The following FSCN1 variants were observed in gnomAD, a reference collection of about 807,000 sequenced individuals.
The protein encoded by FSCN1 is fascin.
In FSCN1, 10 loss-of-function variants were observed where a neutral mutation model predicts 39.7. The observed-to-expected ratio is 0.25, with a 90% CI of 0.16 to 0.43. FSCN1 has a LOEUF of 0.43. Among genes scored for constraint, FSCN1 ranks in the 20% least tolerant of loss-of-function variants. The probability of loss-of-function intolerance (pLI) is 1.00; values close to 1 mark genes in which losing one functional copy is unlikely to be tolerated. For missense variants in FSCN1, 525 were observed against 723.8 expected, an observed-to-expected ratio of 0.73 and a Z score of 3.15; for synonymous variants, 322 against 320.0, an observed-to-expected ratio of 1.01 and a Z score of -0.07.
rs569970615 is a variant in FSCN1 at position 5,603,850 on chromosome 7, C to G, written c.1112-13C>G. ...TGCCAGGAGGCTCACTGACTCCCCT[C>G]TTTCTGGGACAGGGGACTCAGAGCT... On this transcript the variant is annotated splice_polypyrimidine_tract_variant and intron_variant, in intron 3 of 4. Transcript: ENST00000382361. The surrounding 1 kb of genome is among the most constrained non-coding windows in gnomAD (Gnocchi z 8.5). The G allele has an allele frequency of 4.4e-6, 7 of 1,609,168 alleles. No homozygotes were observed. Among genetic ancestry groups the G allele is most frequent in the East Asian group, 2.2e-5 (1 of 44,780 alleles).
chr7:5,596,974 G>A (rs1426385368), intron 1 of FSCN1, among the ~76,000 whole-genome samples: 2 of 152,146 alleles, frequency 1.3e-5, no homozygotes, highest in East Asian at 1.9e-4. Flanking sequence ...TCTGGGGACC[G>A]TTAAGGCCTG....
intron 1 of FSCN1, among the ~76,000 whole-genome samples, chr7:5,601,128 G>T (rs1785822360): frequency 6.6e-6 from 1 of 150,554 alleles, no homozygotes; most frequent in Non-Finnish European, 1.5e-5. Context: ...ATCATGTAAA[G>T]ATGCCATACA....
At chr7:5,604,352 CA>C (rs565644767) in intron 4 of FSCN1, among the ~76,000 whole-genome samples, 214 of 150,850 alleles carry the variant, frequency 1.4e-3, no homozygotes, top group Middle Eastern at 0.01. Context: ...GAGAGGAGAG[CA>C]GGGGTGGGGA....
At chr7:5,596,517 C>G (rs1352199175) in intron 1 of FSCN1, among the ~76,000 whole-genome samples, 4 of 152,016 alleles carry the variant, frequency 2.6e-5, no homozygotes, top group Non-Finnish European at 5.9e-5. Context: ...ATGCCCCAGG[C>G]TCCTCCCTGC....
At position 5,593,984 on chromosome 7, in the gene FSCN1, G is replaced by C. The variant is rs575215587; in HGVS notation, c.832+216G>C. 1.7e-3 allele frequency: 970 copies of C among 555,492 alleles called. 9 individuals are homozygous for C. In the African/African-American group the frequency reaches 0.018, roughly 10 times the overall value. The allele number at this position is 555,492 out of a possible 1,614,324, so 34.4% of individuals were successfully genotyped here. On this transcript the variant is annotated intron_variant, in intron 1 of 4. Coordinates refer to ENST00000382361, the MANE Select transcript of FSCN1 (RefSeq NM_003088.4). ...GGTGCCGCTGCCCACCTCCCACCCCGGGCTGGGATCATGGGCTCCCCTAGG... is the reference window on the plus strand; with the variant it reads ...GGTGCCGCTGCCCACCTCCCACCCCCGGCTGGGATCATGGGCTCCCCTAGG...
Position 5,593,512 on chromosome 7 carries a change from C to T in FSCN1, c.576C>T (p.Asp192=). The T allele has an allele frequency of 6.2e-7, 1 of 1,605,894 alleles. No individual in the cohort carries two copies. Among genetic ancestry groups the T allele is most frequent in the Non-Finnish European group, 8.5e-7 (1 of 1,178,308 alleles). The stretch of plus-strand genomic sequence containing the variant: ...AGCGCTACAGCGTGCAGACCGCCGA[C>T]CACCGCTTCCTGCGCCACGACGGGC... ...QDQRYSVQTA[D]HRFLRHDGRL... Residue 192 remains aspartate, a synonymous_variant, in exon 1 of 5, where the codon GAC becomes GAT. Transcript: ENST00000382361.
rs1226336045 is a variant in FSCN1, at chr7:5,605,089, C to G, written c.1280-183C>G. 6.6e-6 allele frequency among the ~76,000 whole-genome samples: 1 copy of G among 152,340 alleles called. No homozygotes were observed. The highest frequency in any genetic ancestry group is 2.4e-5 in the African/African-American group (1 of 41,578). The stretch of plus-strand genomic sequence containing the variant: ...CGGCCGAGCAGAACACGTTCTAGGA[C>G]CCTTGTTCATGTGTCCATCATGGAC... On this transcript the variant is annotated intron_variant, in intron 4 of 4. Transcript: ENST00000382361. This position sits in a 1 kb window ranked among gnomAD's most constrained non-coding sequence, Gnocchi z 6.9.
Position 5,605,181 on chromosome 7 carries a change from C to A in FSCN1, c.1280-91C>A. The A allele has an allele frequency of 1.1e-6, 1 of 946,122 alleles. No individual in the cohort carries two copies. Among genetic ancestry groups the A allele is most frequent in the Non-Finnish European group, 1.7e-6 (1 of 595,444 alleles). The allele number at this position is 946,122 out of a possible 1,614,324, so 58.6% of individuals were successfully genotyped here. A position where few individuals can be genotyped will look rare whatever the true frequency, so the allele number is the denominator to read the frequency against. ...GCCGGGACTGGAGGGTGGGGCGTCA[C>A]CCTTGGGAACACCCGTGCCCACCCT... On this transcript the variant is annotated intron_variant, in intron 4 of 4. Transcript: ENST00000382361. The surrounding 1 kb of genome is among the most constrained non-coding windows in gnomAD (Gnocchi z 6.9).
intron 1 of FSCN1, among the ~76,000 whole-genome samples, chr7:5,596,399 G>A (rs1785731315): frequency 1.3e-5 from 2 of 152,234 alleles, no homozygotes; most frequent in African/African-American, 4.8e-5. Flanking sequence ...TGTAAAGTGT[G>A]CATTCCAGGC....
chr7:5,604,519 A>AG (rs752594831), intron 4 of FSCN1, among the ~76,000 whole-genome samples: 2 of 109,248 alleles, frequency 1.8e-5, no homozygotes, highest in Non-Finnish European at 4.1e-5. Context: ...CCCTGGCTGG[A>AG]CTGCAGTGGC....
At chr7:5,602,896 G>A (rs763746126) in intron 1 of FSCN1, 3 of 258,414 alleles carry the variant, frequency 1.2e-5, no homozygotes, top group South Asian at 5.2e-5. Context: ...CGGGGGTGGG[G>A]TGGGGGTCTT....
rs911191816 is a variant in FSCN1, at chr7:5,600,482, G to A, written c.833-2775G>A. On this transcript the variant is annotated intron_variant, in intron 1 of 4. Transcript: ENST00000382361. ...ACCCGAAAGCCACCTTAAGTTTCCC[G>A]AAGATAGAGATCCCTGGGGTCCTAT... Among the ~76,000 whole-genome samples, 17 of 152,078 alleles carry A rather than the reference G, an allele frequency of 1.1e-4. 1 individual carries two copies. Among genetic ancestry groups the A allele is most frequent in the South Asian group, 4.1e-4 (2 of 4,820 alleles).
chr7:5,594,465 A>T (rs1254401602), intron 1 of FSCN1: 1 of 152,182 alleles, frequency 6.6e-6, no homozygotes, highest in East Asian at 1.9e-4. Flanking sequence ...GGTCGCCTCG[A>T]CTGGGTCCTC....
At chr7:5,594,043 TA>T (rs1307216707) in intron 1 of FSCN1, 63 of 336,888 alleles carry the variant, frequency 1.9e-4, no homozygotes, top group African/African-American at 4.8e-4. Context: ...TGCACCCTCC[TA>T]ACCCCCCCCC....
intron 1 of FSCN1, 160 bp downstream of exon 1, chr7:5,593,928 G>A: frequency 5.1e-6 from 3 of 587,658 alleles, no homozygotes; most frequent in Non-Finnish European, 8.8e-6. Flanking sequence ...CCGCCTGGAG[G>A]GGGCGAGGAG....
chr7:5,602,967 C>T, intron 1 of FSCN1: 1 of 459,324 alleles, frequency 2.2e-6, no homozygotes, highest in Non-Finnish European at 4.0e-6. Flanking sequence ...GCCTTGGCCT[C>T]CCAAAGTGTT....
In FSCN1 at chr7:5,593,326, G is replaced by C. The variant is rs759758298; in HGVS notation, c.390G>C (p.Glu130Asp). Reference sequence around the variant, plus strand: ...TCGCGCAGACGGTGTCCCCCGCCGAGAAGTGGAGCGTGCACATCGCCATGC... The same window carrying C: ...TCGCGCAGACGGTGTCCCCCGCCGACAAGTGGAGCGTGCACATCGCCATGC... ...SCFAQTVSPA[E>D]KWSVHIAMHP... The change falls in exon 1 of 5, where the codon GAG (glutamate) becomes GAC (aspartate). Residue 130 changes from glutamate (E) to aspartate (D), a missense_variant. By Grantham distance (45) the Glu-to-Asp change is conservative. Around this residue, in one of 3 missense-constraint regions of FSCN1, gnomAD observed 246 missense variants for 350.6 expected, o/e 0.70. Transcript: ENST00000382361. 1 of 1,611,582 alleles carries C rather than the reference G, an allele frequency of 6.2e-7. No homozygotes were observed. Among genetic ancestry groups the C allele is most frequent in the African/African-American group, 1.3e-5 (1 of 74,900 alleles).
chr7:5,592,960 G>C lies in FSCN1; in HGVS notation c.24G>C (p.Glu8Asp). Residue 8 changes from glutamate to aspartate, a missense_variant, in exon 1 of 5, where the codon GAG becomes GAC. Coordinates refer to ENST00000382361, the MANE Select transcript of FSCN1 (RefSeq NM_003088.4). The surrounding 1 kb of genome is among the most constrained non-coding windows in gnomAD (Gnocchi z 5.3). ...CCATGACCGCCAACGGCACAGCCGA[G>C]GCGGTGCAGATCCAGTTCGGCCTCA... MTANGTAEAVQIQFGLIN... is the reference protein window; with the variant it reads MTANGTADAVQIQFGLIN... The C allele has an allele frequency of 6.4e-7, 1 of 1,570,126 alleles. No individual in the cohort carries two copies. Among genetic ancestry groups the C allele is most frequent in the Non-Finnish European group, 8.6e-7 (1 of 1,157,418 alleles).
At chr7:5,600,532 G>T (rs929180600) in intron 1 of FSCN1, among the ~76,000 whole-genome samples, 6 of 152,050 alleles carry the variant, frequency 3.9e-5, no homozygotes, top group Admixed American at 3.3e-4. Context: ...TTGCTCTGTC[G>T]CCCAGGCTGG....
Sources: allele counts gnomAD v4.1 joint callset (sites outside exome capture counted in the v4.1 genomes callset), GRCh38; gene constraint gnomAD v4.1.1; regional missense constraint gnomAD v4.1.1; non-coding constraint Gnocchi (gnomAD v3.1); transcripts MANE v1.5; gene names NCBI Gene and HGNC (gene_info 2026-07-23, HGNC 2026-07-21).